Variants in SEMA5B observed in about 807,000 individuals in gnomAD.
The protein encoded by SEMA5B is semaphorin-5B.
Under a neutral mutation model 135.0 loss-of-function variants are expected in SEMA5B, and 66 were observed. The observed-to-expected ratio is 0.49, with a 90% CI of 0.40 to 0.60. The LOEUF (loss-of-function observed/expected upper bound fraction) is 0.60, where lower values mean the gene tolerates loss of function less well. SEMA5B is among the 20% of genes least tolerant of loss of function. SEMA5B has a pLI of 0.00. For missense variants in SEMA5B, 1,501 were observed against 1,566.3 expected (o/e 0.96, Z 0.70); for synonymous variants, 690 against 639.5 (o/e 1.08, Z -1.19).
At chr3:122,911,821 C>A in intron 20 of SEMA5B, 99 bp downstream of exon 20, 1 of 1,374,298 alleles carries the variant, frequency 7.3e-7, no homozygotes. Flanking sequence ...TCATCCTGTG[C>A]CCCCTGCTCC....
intron 1 of SEMA5B, among the ~76,000 whole-genome samples, chr3:123,018,730 C>T (rs1018633501): frequency 3.9e-5 from 6 of 152,196 alleles, no homozygotes; most frequent in Non-Finnish European, 5.9e-5. Flanking sequence ...CCACTTTAAA[C>T]AGTATCTGAT....
At chr3:122,982,065 A>T (rs1276182043) in intron 1 of SEMA5B, among the ~76,000 whole-genome samples, 1 of 152,222 alleles carries the variant, frequency 6.6e-6, no homozygotes, top group Non-Finnish European at 1.5e-5. Context: ...GTTGGGAGCC[A>T]TGCAATGCTT....
chr3:123,020,958 G>A (rs1367877145), intron 1 of SEMA5B, among the ~76,000 whole-genome samples: 1 of 152,230 alleles, frequency 6.6e-6, no homozygotes, highest in Non-Finnish European at 1.5e-5. Context: ...CTGTTGAAAG[G>A]GAGCATGTGC....
Position 122,922,009 on chromosome 3 carries a change from G to T in SEMA5B, c.1594C>A (p.Arg532Ser). 2.6e-6 allele frequency: 4 copies of T among 1,523,138 alleles called. No homozygotes were observed. The highest frequency in any genetic ancestry group is 2.5e-5 in the South Asian group (2 of 80,626). The allele number at this position is 1,523,138 out of a possible 1,614,324, so 94.4% of individuals were successfully genotyped here. The change falls in exon 12 of 23, where the codon CGC (arginine) becomes AGC (serine). Residue 532 changes from arginine to serine, a missense_variant. Physicochemically the swap from Arg to Ser is moderately radical, Grantham distance 110 (BLOSUM62 -1). Around this residue, in one of 2 missense-constraint regions of SEMA5B, gnomAD observed 927 missense variants for 881.6 expected, o/e 1.05. Transcript: ENST00000357599. ...AGCGCGCGGGCGCTGTGCAGGATGC[G>T]CAGGCTGCGCAGGGGCTCGCGGCGC... is the stretch of plus-strand genomic sequence containing the variant. ...PGRREPLRSL[R>S]ILHSARALFV...
At chr3:122,930,984 AG>A (rs1938940710) in intron 5 of SEMA5B, among the ~76,000 whole-genome samples, 1 of 152,202 alleles carries the variant, frequency 6.6e-6, no homozygotes, top group Non-Finnish European at 1.5e-5. Flanking sequence ...CCCCCAAAAA[AG>A]TATATAGGTT....
At chr3:122,994,058 G>T (rs1941959219) in intron 1 of SEMA5B, among the ~76,000 whole-genome samples, 1 of 151,966 alleles carries the variant, frequency 6.6e-6, no homozygotes, top group Admixed American at 6.5e-5. Flanking sequence ...TGCGGGTCCT[G>T]GGCTGGGAGG....
At position 122,929,077 on chromosome 3, in the gene SEMA5B, A is replaced by G; in HGVS notation, c.475-19T>C. ...CTGTGGCCTGGGGGAGGAACATAGG[A>G]GCACACAGACATCACATGGCTGTGT... On this transcript the variant is annotated intron_variant, in intron 5 of 22. Transcript: ENST00000357599. The G allele has an allele frequency of 6.2e-7, 1 of 1,609,188 alleles. No individual in the cohort carries two copies. The highest frequency in any genetic ancestry group is 8.5e-7 in the Non-Finnish European group (1 of 1,179,012).
chr3:122,922,647 G>A (rs1258714910), intron 10 of SEMA5B, among the ~76,000 whole-genome samples, 200 bp from the exon 11 acceptor site: 1 of 152,252 alleles, frequency 6.6e-6, no homozygotes, highest in African/African-American at 2.4e-5. Flanking sequence ...AAGAACAGGA[G>A]ACTGGGGAGA....
rs1004777823 is a variant in SEMA5B, at chr3:122,912,253, T to C, written c.2815A>G (p.Ser939Gly). Residue 939 changes from serine to glycine, a missense_variant, in exon 19 of 23, where the codon AGC becomes GGC. By Grantham distance (56) the Ser-to-Gly change is moderately conservative (BLOSUM62 0). This residue lies in a region of SEMA5B where 927 missense variants were observed against 881.6 expected (regional missense o/e 1.05). Transcript: ENST00000357599. ...TCCTCACCTGGGGAGGGTGCGGGGC[T>C]GGTGCAGGAACGGGTGCGTTGATAG... The part of the protein sequence containing the change: ...GHYQRTRSCT[S>G]PAPSPGEDIC... The C allele has an allele frequency of 1.2e-6, 2 of 1,612,190 alleles. No individual in the cohort carries two copies. The highest frequency in any genetic ancestry group is 3.3e-5 in the Admixed American group (2 of 59,832).
chr3:123,028,049 C>A (rs1942848480), upstream of SEMA5B, among the ~76,000 whole-genome samples: 1 of 152,158 alleles, frequency 6.6e-6, no homozygotes, highest in Admixed American at 6.5e-5. Flanking sequence ...AGACCTAGGA[C>A]TCCGAGCACT....
chr3:122,936,001 C>T (rs1366278251), intron 5 of SEMA5B, among the ~76,000 whole-genome samples: 1 of 152,164 alleles, frequency 6.6e-6, no homozygotes, highest in Non-Finnish European at 1.5e-5. Flanking sequence ...CCTCTATCCG[C>T]TTTCCATTGC....
chr3:122,919,563 G>A (rs922684835), intron 12 of SEMA5B, among the ~76,000 whole-genome samples: 2 of 152,104 alleles, frequency 1.3e-5, no homozygotes, highest in African/African-American at 2.4e-5. Context: ...AAGGCATGAG[G>A]GAAAAAGCAT....
rs1368017389 is a variant in SEMA5B at position 122,910,268 on chromosome 3, T to G, written c.3331A>C (p.Arg1111=). 11 of 1,614,176 alleles carry G rather than the reference T, an allele frequency of 6.8e-6. No homozygotes were observed. The South Asian group carries it at 1.2e-4, about 18-fold the overall frequency. The change falls in exon 23 of 23, where the codon AGA becomes CGA. Residue 1111 remains arginine, a synonymous_variant. Transcript: ENST00000357599. ...TGCTGCAATGGGTAGAAGTTGGCTC[T>G]GTCATCAGGGATCAAGTTATTCTTG... is the stretch of plus-strand genomic sequence containing the variant. The part of the protein sequence containing the change: ...LNKNNLIPDD[R]ANFYPLQQTN...
intron 1 of SEMA5B, among the ~76,000 whole-genome samples, chr3:122,972,158 C>T (rs1027474176): frequency 3.3e-5 from 5 of 152,194 alleles, no homozygotes; most frequent in Non-Finnish European, 7.3e-5. Context: ...CAACTTAAAC[C>T]CTCTTACTCC....
intron 12 of SEMA5B, 83 bp from the exon 13 acceptor site, chr3:122,915,973 T>C: frequency 1.0e-6 from 1 of 957,588 alleles, no homozygotes; most frequent in Non-Finnish European, 1.7e-6. Flanking sequence ...AACACTCCCC[T>C]CTGTGCACCA....
chr3:122,922,582 C>A, intron 10 of SEMA5B, 135 bp from the exon 11 acceptor site: 1 of 769,894 alleles, frequency 1.3e-6, no homozygotes, highest in South Asian at 1.7e-5. Flanking sequence ...CCCCTAGCAT[C>A]CCTGCTGGGC....
In SEMA5B at chr3:122,910,825, AAAG is replaced by A. The variant is rs763804162; in HGVS notation, c.3297+12_3297+14del. 4.5e-6 allele frequency: 7 copies of A among 1,558,144 alleles called. No homozygotes were observed. The highest frequency in any genetic ancestry group is 3.6e-5 in the South Asian group (3 of 82,844). On this transcript the variant is annotated intron_variant, in intron 22 of 22. Transcript: ENST00000357599. ...ACTCCGTCTCAAAAAAAAAAAAAAAAAAGAAGGCTCCCACCTTGAATTCCATGG... is the reference window on the plus strand; with the variant it reads ...ACTCCGTCTCAAAAAAAAAAAAAAAAAAGGCTCCCACCTTGAATTCCATGG...
At chr3:122,985,874 A>G (rs1031302599) in intron 1 of SEMA5B, among the ~76,000 whole-genome samples, 5 of 152,244 alleles carry the variant, frequency 3.3e-5, no homozygotes, top group African/African-American at 1.2e-4. Flanking sequence ...CAAGAAATAA[A>G]TTAACATGTG....
chr3:122,912,186 G>A lies in SEMA5B; in HGVS notation c.2882C>T (p.Thr961Ile). Reference sequence around the variant, plus strand: ...GTGCCTCATACCTGGGCAGGCCTGTGTGGCACATAGTGCCTCCTCCGTGTG... The same window carrying A: ...GTGCCTCATACCTGGGCAGGCCTGTATGGCACATAGTGCCTCCTCCGTGTG... ...GLHTEEALCA[T>I]QACPEGWSPW... The change falls in exon 19 of 23, where the codon ACA becomes ATA. Residue 961 changes from threonine to isoleucine, a missense_variant. Thr to Ile is a moderately conservative substitution (Grantham distance 89). Coordinates refer to ENST00000357599, the MANE Select transcript of SEMA5B (RefSeq NM_001031702.4). 6.3e-7 allele frequency: 1 copy of A among 1,594,122 alleles called. No homozygotes were observed. The highest frequency in any genetic ancestry group is 8.6e-7 in the Non-Finnish European group (1 of 1,167,382).
Sources: gnomAD v4.1 joint callset for allele counts (sites outside exome capture counted in the v4.1 genomes callset) on GRCh38, gnomAD v4.1.1 for gene constraint, gnomAD v4.1.1 regional missense constraint, MANE v1.5 for transcripts, NCBI Gene and HGNC (gene_info 2026-07-23, HGNC 2026-07-21) for gene names.